Variants in NLRC5 observed in about 807,000 individuals in gnomAD.
NLRC5 encodes NLR family CARD domain containing 5.
A neutral mutation model predicts 206.9 loss-of-function variants in NLRC5; 114 were observed. The observed-to-expected ratio is 0.55, with a 90% CI of 0.47 to 0.64. NLRC5 has a LOEUF of 0.64. Among genes scored for constraint, NLRC5 ranks in the 30% least tolerant of loss-of-function variants. The pLI, the probability that NLRC5 is intolerant of heterozygous loss-of-function variation, is 0.00. For missense variants in NLRC5, 2,008 were observed against 2,305.5 expected (o/e 0.87, Z 2.64); for synonymous variants, 952 against 962.8 (o/e 0.99, Z 0.21).
intron 1 of NLRC5, among the ~76,000 whole-genome samples, chr16:56,994,399 T>C (rs376716185): frequency 6.6e-6 from 1 of 152,158 alleles, no homozygotes; most frequent in African/African-American, 2.4e-5. Context: ...CATGAGTGCA[T>C]TCAGCTTCTC....
intron 19 of NLRC5, among the ~76,000 whole-genome samples, chr16:57,042,524 T>A (rs1225107223): frequency 6.6e-6 from 1 of 152,050 alleles, no homozygotes; most frequent in Non-Finnish European, 1.5e-5. Context: ...GCAGAGAGTG[T>A]GTAGGAGGAA....
At chr16:57,020,211 CTCACCTGCCCTCAGG>C (rs1282161220) in intron 2 of NLRC5, among the ~76,000 whole-genome samples, 1 of 151,116 alleles carries the variant, frequency 6.6e-6, no homozygotes, top group Non-Finnish European at 1.5e-5. Flanking sequence ...CTGTACCCCA[CTCACCTGCCCTCAGG>C]TCACCTGCCC....
intron 39 of NLRC5, 100 bp downstream of exon 39, chr16:57,074,783 T>C: frequency 8.8e-7 from 1 of 1,141,772 alleles, no homozygotes; most frequent in Non-Finnish European, 1.3e-6. Context: ...TCCCAGGGGA[T>C]CCTTTGCGGA....
At chr16:57,049,163 C>T (rs1056817249) in intron 23 of NLRC5, among the ~76,000 whole-genome samples, 1 of 151,846 alleles carries the variant, frequency 6.6e-6, no homozygotes, top group Admixed American at 6.6e-5. Flanking sequence ...AGAAAGTTTA[C>T]GAATTTTTGT....
chr16:57,057,965 C>A, intron 27 of NLRC5, 100 bp from the exon 28 acceptor site: 1 of 912,040 alleles, frequency 1.1e-6, no homozygotes, highest in Non-Finnish European at 1.8e-6. Flanking sequence ...GACATGGGGT[C>A]CAGTAGCAGT....
rs1483190404 is a variant in NLRC5, at chr16:57,039,816, A to T, written c.2837A>T (p.Gln946Leu). 1.2e-6 allele frequency: 2 copies of T among 1,614,060 alleles called. No homozygotes were observed. Among genetic ancestry groups the T allele is most frequent in the Non-Finnish European group, 1.7e-6 (2 of 1,180,034 alleles). Residue 946 changes from glutamine to leucine, a missense_variant, in exon 16 of 49, where the codon CAG becomes CTG. Transcript: ENST00000688547. Reference sequence around the variant, plus strand: ...AAAACTGTGATCTTCATGTTTGCCCAGGAGCCAGAGGAGCAGAAGGGGCCC... The same window carrying T: ...AAAACTGTGATCTTCATGTTTGCCCTGGAGCCAGAGGAGCAGAAGGGGCCC... ...QHKTVIFMFA[Q>L]EPEEQKGPQE...
Position 57,023,750 on chromosome 16 carries a change from ACCCCACTC to A in NLRC5, c.356-33_356-26del, listed in dbSNP as rs1215182966. 7.6e-6 allele frequency: 12 copies of A among 1,586,060 alleles called. No homozygotes were observed. The Admixed American group carries it at 1.0e-4, about 14-fold the overall frequency. On this transcript the variant is annotated intron_variant, in intron 4 of 48. Transcript: ENST00000688547. ...GTAACCCCTCAGCCCAGATCCCCAG[ACCCCACTC>A]CTCCACCCCTTCCTTTGCTTTTTCA... is the stretch of plus-strand genomic sequence containing the variant.
At chr16:57,029,958 G>A (rs769381363) in intron 9 of NLRC5, 37 bp from the exon 10 acceptor site, 2 of 1,612,456 alleles carry the variant, frequency 1.2e-6, no homozygotes, top group Non-Finnish European at 1.7e-6. Context: ...CTGGGGTAGG[G>A]GATTCCACTC....
At chr16:57,079,322 A>G (rs772560543) in intron 45 of NLRC5, 30 bp downstream of exon 45, 2 of 1,605,854 alleles carry the variant, frequency 1.2e-6, no homozygotes, top group Admixed American at 1.7e-5. Flanking sequence ...TGCCTAGGGG[A>G]CCAGTGGCAG....
Position 57,046,567 on chromosome 16 carries a change from T to G in NLRC5, c.3264T>G (p.Thr1088=). 1 of 1,613,938 alleles carries G rather than the reference T, an allele frequency of 6.2e-7. No individual in the cohort carries two copies. The change falls in exon 22 of 49, where the codon ACT becomes ACG. Residue 1088 remains threonine (T), a synonymous_variant. Coordinates refer to ENST00000688547, the MANE Select transcript of NLRC5 (RefSeq NM_001384950.1). Reference sequence around the variant, plus strand: ...CCCCTCCTAGGGATATGTGGGCCACTGGATCTTTGCCAGACTTCCCAGCTG... The same window carrying G: ...CCCCTCCTAGGGATATGTGGGCCACGGGATCTTTGCCAGACTTCCCAGCTG... The part of the protein sequence containing the change: ...GDKTSRDMWA[T]GSLPDFPAAA...
Position 57,023,667 on chromosome 16 carries a change from T to G in NLRC5, c.356-118T>G, listed in dbSNP as rs949942949. On this transcript the variant is annotated intron_variant, in intron 4 of 48. Transcript: ENST00000688547. The stretch of plus-strand genomic sequence containing the variant: ...TGCCTGCCTTTCCAGTCCCTGCATG[T>G]GGGTGTACTTGGCTGCCTGCCACCT... 21 of 724,972 alleles carry G rather than the reference T, an allele frequency of 2.9e-5. No individual in the cohort carries two copies. In the African/African-American group the frequency reaches 3.2e-4, roughly 11 times the overall value. The allele number at this position is 724,972 out of a possible 1,614,324, so 44.9% of individuals were successfully genotyped here. A position where few individuals can be genotyped will look rare whatever the true frequency, so the allele number is the denominator to read the frequency against.
At chr16:57,027,079 C>G (rs1324591386) in intron 6 of NLRC5, 61 bp downstream of exon 6, 9 of 1,552,844 alleles carry the variant, frequency 5.8e-6, no homozygotes, top group Middle Eastern at 3.5e-4. Context: ...CAGAGGCCAA[C>G]CAGTCTAGCA....
In NLRC5 at chr16:57,025,936, C is replaced by T. The variant is rs2061233599; in HGVS notation, c.993C>T (p.Leu331=). 1 of 1,614,196 alleles carries T rather than the reference C, an allele frequency of 6.2e-7. No individual in the cohort carries two copies. The part of the protein sequence containing the change: ...PGPVLTLFSH[L]CNGTLLPGCR... ...CAGTCCTCACCCTTTTCTCCCATCT[C>T]TGCAATGGGACCCTCCTGCCTGGCT... is the stretch of plus-strand genomic sequence containing the variant. Residue 331 remains leucine, a synonymous_variant, in exon 6 of 49, where the codon CTC becomes CTT. Coordinates refer to ENST00000688547, the MANE Select transcript of NLRC5 (RefSeq NM_001384950.1).
intron 41 of NLRC5, 47 bp from the exon 42 acceptor site, chr16:57,077,672 G>T (rs377499750): frequency 6.6e-7 from 1 of 1,517,378 alleles, no homozygotes; most frequent in Non-Finnish European, 8.9e-7. Flanking sequence ...CTGGGGTGTC[G>T]GGGAGAGGGG....
Position 57,067,432 on chromosome 16 carries a change from G to A in NLRC5, c.4368G>A (p.Gly1456=), listed in dbSNP as rs145792045. 7.1e-5 allele frequency: 114 copies of A among 1,614,234 alleles called. No individual in the cohort carries two copies. In the African/African-American group the frequency reaches 1.4e-3, roughly 20 times the overall value. Residue 1456 remains glycine (G), a synonymous_variant, in exon 35 of 49, where the codon GGG becomes GGA. Coordinates refer to ENST00000688547, the MANE Select transcript of NLRC5 (RefSeq NM_001384950.1). The part of the protein sequence containing the change: ...DLGAHHSLLV[G]QLMETCARLQ... ...GAGCCCACCACAGCCTTCTTGTCGG[G>A]CAGCTGATGGAGACATGTGCCAGGC...
chr16:57,003,655 A>G (rs562956930), intron 1 of NLRC5, among the ~76,000 whole-genome samples: 191 of 152,012 alleles, frequency 1.3e-3, no homozygotes, highest in African/African-American at 4.2e-3. Context: ...CCCCTTGCAC[A>G]TGCGCAGGAT....
chr16:57,012,263 G>T (rs541283110), intron 1 of NLRC5, among the ~76,000 whole-genome samples: 1 of 152,206 alleles, frequency 6.6e-6, no homozygotes, highest in African/African-American at 2.4e-5. Flanking sequence ...TGAGCTTTTG[G>T]GTATTTGGGT....
chr16:56,989,958 CTCTG>C (rs753282272), intron 1 of NLRC5, among the ~76,000 whole-genome samples: 15 of 152,248 alleles, frequency 9.9e-5, no homozygotes, highest in South Asian at 2.1e-4. Context: ...CACCCACTCT[CTCTG>C]TCTTTTACTT....
At chr16:56,996,616 A>G (rs1179147263) in intron 1 of NLRC5, among the ~76,000 whole-genome samples, 2 of 152,222 alleles carry the variant, frequency 1.3e-5, no homozygotes, top group East Asian at 1.9e-4. Flanking sequence ...GTCAAAAAAA[A>G]TCTCAAACAT....
Sources: allele counts gnomAD v4.1 joint callset (sites outside exome capture counted in the v4.1 genomes callset), GRCh38; gene constraint gnomAD v4.1.1; transcripts MANE v1.5; gene names NCBI Gene and HGNC (gene_info 2026-07-23, HGNC 2026-07-21).